WDR49: variants seen among roughly 807,000 people sequenced by gnomAD.
WDR49 encodes the protein cilia- and flagella-associated protein 337.
A neutral mutation model predicts 119.5 loss-of-function variants in WDR49; 107 were observed. The observed-to-expected ratio is 0.90, with a 90% CI of 0.77 to 1.05. The LOEUF (loss-of-function observed/expected upper bound fraction) is 1.05. Ranked by LOEUF, WDR49 falls within the 50% of genes least tolerant of loss-of-function variation. The pLI is 0.00. For synonymous variants in WDR49, 425 were observed against 418.8 expected (o/e 1.01, Z -0.18); for missense variants, 1,240 against 1,220.5 (o/e 1.02, Z -0.24).
chr3:167,528,433 T>C (rs1752715323), intron 14 of WDR49, among the ~76,000 whole-genome samples: 1 of 151,954 alleles, frequency 6.6e-6, no homozygotes, highest in African/African-American at 2.4e-5. Context: ...GGAATAGTCC[T>C]CTAGTATTTA....
chr3:167,570,385 A>T (rs1293248524), intron 8 of WDR49, among the ~76,000 whole-genome samples: 4 of 152,194 alleles, frequency 2.6e-5, no homozygotes, highest in African/African-American at 9.6e-5. Context: ...AATTTCCAAA[A>T]AATTATGTGC....
chr3:167,620,954 A>C (rs1011174811), intron 4 of WDR49, among the ~76,000 whole-genome samples: 2 of 152,074 alleles, frequency 1.3e-5, no homozygotes, highest in African/African-American at 4.8e-5. Context: ...GTTCGGGTGA[A>C]ATTTGATAGG....
chr3:167,584,316 G>A (rs1714700790), intron 7 of WDR49, among the ~76,000 whole-genome samples: 1 of 152,102 alleles, frequency 6.6e-6, no homozygotes, highest in Non-Finnish European at 1.5e-5. Flanking sequence ...ATAGTGAAGA[G>A]TGAATAAACA....
At chr3:167,601,609 T>A (rs1002472245) in intron 7 of WDR49, among the ~76,000 whole-genome samples, 1 of 149,144 alleles carries the variant, frequency 6.7e-6, no homozygotes, top group African/African-American at 2.4e-5. Flanking sequence ...AGTGCCATAT[T>A]TTTTTTTCCA....
At chr3:167,565,380 TACACAC>T (rs112641739) in intron 8 of WDR49, among the ~76,000 whole-genome samples, 100 of 129,050 alleles carry the variant, frequency 7.7e-4, no homozygotes, top group African/African-American at 2.4e-3. Flanking sequence ...CATATCTATC[TACACAC>T]ACACACACAC....
intron 18 of WDR49, among the ~76,000 whole-genome samples, chr3:167,494,556 T>C (rs1218464360): frequency 2.6e-5 from 4 of 152,150 alleles, no homozygotes; most frequent in Admixed American, 2.6e-4. Context: ...AATAACTAAA[T>C]TCCAGAGATG....
At chr3:167,628,668 G>A (rs1489554734) in intron 2 of WDR49, among the ~76,000 whole-genome samples, 1 of 152,106 alleles carries the variant, frequency 6.6e-6, no homozygotes, top group African/African-American at 2.4e-5. Context: ...ACATAAAAGT[G>A]CAACATGAAG....
intron 10 of WDR49, among the ~76,000 whole-genome samples, chr3:167,554,045 T>C (rs1459202949): frequency 6.6e-6 from 1 of 152,074 alleles, no homozygotes; most frequent in Admixed American, 6.6e-5. Context: ...ATGGACAATA[T>C]ATTTTCAAAA....
chr3:167,655,623 G>A (rs1032544282), upstream of WDR49, among the ~76,000 whole-genome samples: 4 of 152,162 alleles, frequency 2.6e-5, no homozygotes, highest in African/African-American at 7.2e-5. Context: ...AATAGGCAGG[G>A]CACGGTGGCT....
Position 167,478,855 on chromosome 3 carries a change from C to G in WDR49, c.*23G>C. On this transcript the variant is annotated 3_prime_UTR_variant, in exon 19 of 19. Transcript: ENST00000682715. ...CATTTTATATCTGTACCTTATGTAA[C>G]AGTGAAGGTTTTTCTGTTGTAATTA... The G allele has an allele frequency of 6.8e-7, 1 of 1,474,318 alleles. No homozygotes were observed. Among genetic ancestry groups the G allele is most frequent in the Non-Finnish European group, 9.4e-7 (1 of 1,068,110 alleles). 91.3% of individuals were successfully genotyped at this position (1,474,318 alleles called of 1,614,324 possible). A position where few individuals can be genotyped will look rare whatever the true frequency, so the allele number is the denominator to read the frequency against.
intron 3 of WDR49, among the ~76,000 whole-genome samples, chr3:167,622,644 C>A (rs1412513154): frequency 3.9e-5 from 6 of 152,002 alleles, no homozygotes; most frequent in Non-Finnish European, 7.4e-5. Flanking sequence ...ACTCTACTTT[C>A]AATGATGGAT....
At chr3:167,555,853 C>G (rs7651801) in intron 9 of WDR49, among the ~76,000 whole-genome samples, 48,469 of 151,966 alleles carry the variant, frequency 0.32, 8,010 homozygotes, top group African/African-American at 0.39. Flanking sequence ...CATTGTGCCA[C>G]TATCATACAG....
intron 2 of WDR49, among the ~76,000 whole-genome samples, chr3:167,636,163 C>T (rs144892799): frequency 3.0e-4 from 46 of 151,522 alleles, no homozygotes; most frequent in East Asian, 9.7e-4. Context: ...ATCATTCTTA[C>T]GCCTTTGCAT....
At chr3:167,618,595 T>A (rs970483843) in intron 5 of WDR49, among the ~76,000 whole-genome samples, 5 of 152,168 alleles carry the variant, frequency 3.3e-5, no homozygotes, top group Admixed American at 3.3e-4. Flanking sequence ...TATATGTACA[T>A]CTATATATAT....
In WDR49 at chr3:167,627,133, A is replaced by ATGAAG; in HGVS notation, c.320_324dup (p.Phe109LeufsTer6). 7.9e-7 allele frequency: 1 copy of ATGAAG among 1,267,440 alleles called. No individual in the cohort carries two copies. Among genetic ancestry groups the ATGAAG allele is most frequent in the Non-Finnish European group, 9.9e-7 (1 of 1,006,836 alleles). The allele number at this position is 1,267,440 out of a possible 1,614,324, so 78.5% of individuals were successfully genotyped here. ...TGCTCATAAAGCTCTAGCAGTATAAATGAAGTCAGCTTGTCCCAATTAATG... is the reference window on the plus strand; with the variant it reads ...TGCTCATAAAGCTCTAGCAGTATAAATGAAGTGAAGTCAGCTTGTCCCAATTAATG... On this transcript the variant is annotated frameshift_variant, in exon 3 of 19. Coordinates refer to ENST00000682715, the MANE Select transcript of WDR49 (RefSeq NM_001366157.1). LOFTEE classifies it high-confidence loss of function.
chr3:167,510,748 A>C (rs1751941577), intron 16 of WDR49, among the ~76,000 whole-genome samples: 1 of 152,156 alleles, frequency 6.6e-6, no homozygotes, highest in African/African-American at 2.4e-5. Context: ...TTAAAATGAG[A>C]AAATAGCTTT....
chr3:167,575,216 A>G (rs1278629858), intron 8 of WDR49: 5 of 985,570 alleles, frequency 5.1e-6, no homozygotes, highest in Non-Finnish European at 6.0e-6. Context: ...TGCTCCCTTC[A>G]TGATACCCAC....
intron 3 of WDR49, among the ~76,000 whole-genome samples, chr3:167,623,493 T>G (rs1716964696): frequency 6.6e-6 from 1 of 152,058 alleles, no homozygotes; most frequent in Admixed American, 6.6e-5. Context: ...CAACACATTT[T>G]CATGATAAAA....
chr3:167,566,236 G>A (rs1386375208), intron 8 of WDR49, among the ~76,000 whole-genome samples: 1 of 152,048 alleles, frequency 6.6e-6, no homozygotes, highest in Non-Finnish European at 1.5e-5. Context: ...TCTAACTATA[G>A]GAATTTATCC....
Sources: allele counts gnomAD v4.1 joint callset (sites outside exome capture counted in the v4.1 genomes callset), GRCh38; gene constraint gnomAD v4.1.1; transcripts MANE v1.5; gene names NCBI Gene and HGNC (gene_info 2026-07-23, HGNC 2026-07-21).